Variants in KPNA7 observed in about 807,000 individuals in gnomAD.
KPNA7 encodes karyopherin subunit alpha 7, also known as importin subunit alpha-8.
KPNA7 carries 54 observed loss-of-function variants against 53.7 expected under a neutral mutation model. The observed-to-expected ratio is 1.01, with a 90% confidence interval of 0.81 to 1.26. The LOEUF is 1.26. Among genes scored for constraint, KPNA7 ranks in the 50% most tolerant of loss-of-function variants. KPNA7 has a pLI of 0.00. For missense variants in KPNA7, 640 were observed against 644.5 expected (o/e 0.99, Z 0.07); for synonymous variants, 276 against 259.3 (o/e 1.06, Z -0.62).
intron 1 of KPNA7, among the ~76,000 whole-genome samples, chr7:99,219,104 A>G (rs1441611040): frequency 6.6e-6 from 1 of 152,222 alleles, no homozygotes; most frequent in African/African-American, 2.4e-5. Context: ...GATTGGAATC[A>G]CTTGGGGAGT....
At chr7:99,182,727 G>A (rs1333458194) in intron 8 of KPNA7, among the ~76,000 whole-genome samples, 1 of 152,196 alleles carries the variant, frequency 6.6e-6, no homozygotes, top group African/African-American at 2.4e-5. Flanking sequence ...TCTAAGATCA[G>A]ATAGGCTCAT....
At position 99,177,937 on chromosome 7, in the gene KPNA7, C is replaced by G. The variant is rs776729679; in HGVS notation, c.1447G>C (p.Glu483Gln). 8.2e-5 allele frequency: 127 copies of G among 1,551,998 alleles called. No individual in the cohort carries two copies. The highest frequency in any genetic ancestry group is 1.2e-4 in the Admixed American group (6 of 50,970). The change falls in exon 10 of 11, where the codon GAG becomes CAG. Residue 483 changes from glutamate to glutamine, a missense_variant. Physicochemically the swap from Glu to Gln is conservative, Grantham distance 29 (BLOSUM62 2). Coordinates refer to ENST00000327442, the MANE Select transcript of KPNA7 (RefSeq NM_001145715.3). ...QIGQSALNIIEKHFGEEEDES... is the reference protein window; with the variant it reads ...QIGQSALNIIQKHFGEEEDES... ...TCACTTACCTCACCAAAGTGCTTCT[C>G]GATGATGTTCAAAGCCGACTGGCCA...
At chr7:99,163,960 A>G in the KPNA7 span, among the ~76,000 whole-genome samples, 1 of 152,074 alleles carries the variant, frequency 6.6e-6, no homozygotes, top group Non-Finnish European at 1.5e-5. Flanking sequence ...ACCAGTTAGA[A>G]TGGTGATCAT....
chr7:99,167,612 ACTTTTTTTTT>A, the KPNA7 span, among the ~76,000 whole-genome samples: 1 of 109,142 alleles, frequency 9.2e-6, no homozygotes, highest in Non-Finnish European at 1.8e-5. Flanking sequence ...ATCACACCCA[ACTTTTTTTTT>A]TTTTTTTTTT....
At chr7:99,198,964 T>A (rs984452811) in intron 3 of KPNA7, among the ~76,000 whole-genome samples, 5 of 144,222 alleles carry the variant, frequency 3.5e-5, no homozygotes, top group Admixed American at 7.3e-5. Context: ...CTAGCAGTGA[T>A]CAAAAATCAA....
intron 1 of KPNA7, among the ~76,000 whole-genome samples, chr7:99,215,970 CTAAT>C (rs1381074413): frequency 8.1e-4 from 121 of 149,236 alleles, no homozygotes; most frequent in African/African-American, 2.3e-3. Context: ...GATCCCTTCT[CTAAT>C]TAAAAAAAAA....
rs774578304 is a variant in KPNA7 at position 99,188,405 on chromosome 7, C to A, written c.795G>T (p.Leu265=). 3.2e-6 allele frequency: 5 copies of A among 1,551,618 alleles called. No homozygotes were observed. In the South Asian group the frequency reaches 5.9e-5, roughly 18 times the overall value. Residue 265 remains leucine (L), a synonymous_variant, in exon 7 of 11, where the codon CTG becomes CTT. Coordinates refer to ENST00000327442, the MANE Select transcript of KPNA7 (RefSeq NM_001145715.3). ...SEVLSDACWA[L]SYLTDGSNKR... is the part of the protein sequence containing the mutation. Reference sequence around the variant, plus strand: ...TGTTGGAGCCGTCGGTGAGGTAGGACAGTGCCCAGCAGGCATCCGAGAGAA... The same window carrying A: ...TGTTGGAGCCGTCGGTGAGGTAGGAAAGTGCCCAGCAGGCATCCGAGAGAA...
chr7:99,150,790 T>C, the KPNA7 span, among the ~76,000 whole-genome samples: 1 of 152,162 alleles, frequency 6.6e-6, no homozygotes, highest in Admixed American at 6.6e-5. Context: ...TAGTTCCTGC[T>C]GGCAAGGAGG....
chr7:99,178,083 G>A lies in KPNA7; in HGVS notation c.1318-17C>T, dbSNP rs1323137863. On this transcript the variant is annotated splice_polypyrimidine_tract_variant and intron_variant, in intron 9 of 10. Coordinates refer to ENST00000327442, the MANE Select transcript of KPNA7 (RefSeq NM_001145715.3). ...CTCTGCCGCCTGTGACCAAGTACAA[G>A]GGGACATGAGACCCCCGGCAGGAGC... The A allele has an allele frequency of 1.9e-6, 3 of 1,549,982 alleles. No individual in the cohort carries two copies. The highest frequency in any genetic ancestry group is 2.6e-6 in the Non-Finnish European group (3 of 1,146,118).
intron 7 of KPNA7, among the ~76,000 whole-genome samples, chr7:99,185,691 G>A (rs1243261978): frequency 6.6e-6 from 1 of 152,142 alleles, no homozygotes; most frequent in East Asian, 1.9e-4. Context: ...TGGCTCAAGT[G>A]GGACAGAAAT....
intron 2 of KPNA7, among the ~76,000 whole-genome samples, chr7:99,205,050 G>A (rs901962675): frequency 6.6e-6 from 1 of 151,850 alleles, no homozygotes; most frequent in African/African-American, 2.4e-5. Context: ...CAATTCCTTC[G>A]TTCTCACTGA....
downstream of KPNA7, among the ~76,000 whole-genome samples, chr7:99,169,596 G>T (rs1002143468): frequency 3.3e-5 from 5 of 152,078 alleles, no homozygotes; most frequent in Non-Finnish European, 7.4e-5. Flanking sequence ...CAGCCTGGGC[G>T]ACAGAGCATG....
rs34717081 is a variant in KPNA7, at chr7:99,177,572, C to CAAA, written c.1464+345_1464+347dup. ...CCTGGGCAACAGAGTGAAACCATCT[C>CAAA]AAAAAAAAAAAAAAAAAAAAAAAAA... On this transcript the variant is annotated intron_variant, in intron 10 of 10. Transcript: ENST00000327442. Among the ~76,000 whole-genome samples, 82 of 41,786 alleles carry CAAA rather than the reference C, an allele frequency of 2.0e-3. 2 individuals are homozygous for CAAA. Among genetic ancestry groups the CAAA allele is most frequent in the African/African-American group, 6.1e-3 (76 of 12,420 alleles). 27.4% of individuals were successfully genotyped at this position (41,786 alleles called of 152,430 possible). A position where few individuals can be genotyped will look rare whatever the true frequency, so the allele number is the denominator to read the frequency against.
rs1156336039 is a variant in KPNA7 at position 99,175,509 on chromosome 7, AT to A, written c.1465-1716del. Among the ~76,000 whole-genome samples, 72 of 138,794 alleles carry A rather than the reference AT, an allele frequency of 5.2e-4. 2 individuals are homozygous for A. Among genetic ancestry groups the A allele is most frequent in the South Asian group, 1.3e-3 (5 of 3,728 alleles). The allele number at this position is 138,794 out of a possible 152,430, so 91.1% of individuals were successfully genotyped here. ...GCTTTATTTATTTATTTATTTATTT[AT>A]TTATTTATTTATTATTTATTTTGGA... is the stretch of plus-strand genomic sequence containing the variant. On this transcript the variant is annotated intron_variant, in intron 10 of 10. Transcript: ENST00000327442.
chr7:99,190,139 C>T (rs1366453262), intron 6 of KPNA7, among the ~76,000 whole-genome samples: 2 of 151,968 alleles, frequency 1.3e-5, no homozygotes, highest in African/African-American at 2.4e-5. Flanking sequence ...GGGTTCAAGA[C>T]CAGCCTGGCC....
upstream of KPNA7, among the ~76,000 whole-genome samples, chr7:99,210,069 A>AC (rs1791021723): frequency 2.0e-5 from 3 of 152,126 alleles, no homozygotes; most frequent in South Asian, 6.2e-4. Flanking sequence ...CCTGCTTAAA[A>AC]AAACTCTCCT....
chr7:99,195,835 A>G (rs1357663784), intron 4 of KPNA7, among the ~76,000 whole-genome samples: 5 of 152,224 alleles, frequency 3.3e-5, no homozygotes, highest in African/African-American at 7.2e-5. Context: ...TGTTATCTAC[A>G]AGATGAAATT....
chr7:99,160,024 T>TG, the KPNA7 span, among the ~76,000 whole-genome samples: 1 of 78,016 alleles, frequency 1.3e-5, no homozygotes, highest in African/African-American at 3.4e-5. Context: ...TTTGTTTTTT[T>TG]TTTTTTTTTT....
intron 1 of KPNA7, among the ~76,000 whole-genome samples, chr7:99,217,412 A>G (rs1268287848): frequency 6.6e-6 from 1 of 152,158 alleles, no homozygotes; most frequent in Non-Finnish European, 1.5e-5. Flanking sequence ...CACATGTTGG[A>G]TTCGAGCTAG....
Sources: allele counts gnomAD v4.1 joint callset (sites outside exome capture counted in the v4.1 genomes callset), GRCh38; gene constraint gnomAD v4.1.1; transcripts MANE v1.5; gene names NCBI Gene and HGNC (gene_info 2026-07-23, HGNC 2026-07-21).